The following KLF3 variants were observed in gnomAD, a reference collection of about 807,000 sequenced individuals.
KLF3 encodes Krueppel-like factor 3.
KLF3 carries 6 observed loss-of-function variants against 32.7 expected under a neutral mutation model. The ratio of observed to expected loss-of-function variants is 0.18; its 90% CI spans 0.10 to 0.36. The LOEUF (loss-of-function observed/expected upper bound fraction) is 0.36, where lower values mean the gene tolerates loss of function less well. Among genes scored for constraint, KLF3 ranks in the 10% least tolerant of loss-of-function variants. The pLI is 1.00. For missense variants in KLF3, 338 were observed against 449.7 expected (o/e 0.75, Z 2.25); for synonymous variants, 145 against 172.8 (o/e 0.84, Z 1.26).
chr4:38,676,787 G>T (rs564011266), intron 1 of KLF3, among the ~76,000 whole-genome samples: 4 of 151,964 alleles, frequency 2.6e-5, no homozygotes, highest in African/African-American at 9.7e-5. Flanking sequence ...TCAAAAATAG[G>T]TATTCTAATC....
chr4:38,664,840 A>C (rs1483210368), intron 1 of KLF3: 2 of 152,006 alleles, frequency 1.3e-5, no homozygotes, highest in Non-Finnish European at 2.9e-5. Context: ...TTCCCTCCAA[A>C]GCCCCAGAAA....
rs1301517208 is a variant in KLF3 at position 38,698,891 on chromosome 4, T to C, written c.*1628T>C. The C allele has an allele frequency of 6.6e-6, 1 of 152,212 alleles. No individual in the cohort carries two copies. The highest frequency in any genetic ancestry group is 6.5e-5 in the Admixed American group (1 of 15,274). The allele number at this position is 152,212 out of a possible 1,614,324, so 9.4% of individuals were successfully genotyped here. ...AGGAGAAGAGAGAAGAATGAAATCCTGAAGATTCATCCCAGCCGCAACTCA... is the reference window on the plus strand; with the variant it reads ...AGGAGAAGAGAGAAGAATGAAATCCCGAAGATTCATCCCAGCCGCAACTCA... On this transcript the variant is annotated 3_prime_UTR_variant, in exon 6 of 6. Coordinates refer to ENST00000261438, the MANE Select transcript of KLF3 (RefSeq NM_016531.6).
chr4:38,693,053 C>CAT (rs557763955), intron 4 of KLF3, among the ~76,000 whole-genome samples: 17 of 142,136 alleles, frequency 1.2e-4, no homozygotes, highest in South Asian at 4.4e-4. Context: ...GCTGTTTGCA[C>CAT]ATATATATAT....
chr4:38,682,225 A>C (rs1722549054), intron 2 of KLF3, among the ~76,000 whole-genome samples: 1 of 152,130 alleles, frequency 6.6e-6, no homozygotes, highest in East Asian at 1.9e-4. Context: ...CGCCCGGCTA[A>C]TTTTTGTATT....
intron 4 of KLF3, among the ~76,000 whole-genome samples, chr4:38,693,342 GTT>G: frequency 7.0e-6 from 1 of 143,776 alleles, no homozygotes; most frequent in South Asian, 2.2e-4. Flanking sequence ...AATAAATAAT[GTT>G]TTTTTTAAAA....
intron 2 of KLF3, among the ~76,000 whole-genome samples, chr4:38,687,630 A>G (rs140940412): frequency 6.6e-5 from 10 of 152,338 alleles, no homozygotes; most frequent in African/African-American, 2.2e-4. Flanking sequence ...GTAGCAGGGT[A>G]TAGAGGAGAG....
chr4:38,667,157 CTGT>C lies in KLF3; in HGVS notation c.-40+2703_-40+2705del, dbSNP rs572043454. Among the ~76,000 whole-genome samples the C allele has an allele frequency of 2.4e-4, 37 of 152,332 alleles. No homozygotes were observed. In the South Asian group the frequency reaches 3.3e-3, roughly 14 times the overall value. On this transcript the variant is annotated intron_variant, in intron 1 of 5. Transcript: ENST00000261438. ...CCGTAGAACAAACACCTCCACCCCC[CTGT>C]TGTTGTCTTAAAAAACTCCAGCTGC...
At chr4:38,679,540 A>C (rs553549883) in intron 1 of KLF3, among the ~76,000 whole-genome samples, 1 of 152,240 alleles carries the variant, frequency 6.6e-6, no homozygotes, top group East Asian at 1.9e-4. Flanking sequence ...CAGAAAACTT[A>C]TCCTAAAAAT....
intron 4 of KLF3, among the ~76,000 whole-genome samples, chr4:38,693,094 A>G (rs921624557): frequency 1.8e-5 from 2 of 110,176 alleles, no homozygotes; most frequent in African/African-American, 6.6e-5. Flanking sequence ...ATATACACGT[A>G]TATATATATG....
At position 38,698,253 on chromosome 4, in the gene KLF3, G is replaced by A. The variant is rs1406353918; in HGVS notation, c.*990G>A. 1 of 152,458 alleles carries A rather than the reference G, an allele frequency of 6.6e-6. No individual in the cohort carries two copies. Among genetic ancestry groups the A allele is most frequent in the Non-Finnish European group, 1.5e-5 (1 of 68,032 alleles). The allele number at this position is 152,458 out of a possible 1,614,324, so 9.4% of individuals were successfully genotyped here. On this transcript the variant is annotated 3_prime_UTR_variant, in exon 6 of 6. Transcript: ENST00000261438. ...CCAGTAATGGTAAGAAATCTTTCGG[G>A]TAAGAGTATGGATGGTTCTTCTTTT... is the stretch of plus-strand genomic sequence containing the variant.
Position 38,699,353 on chromosome 4 carries a change from C to T in KLF3, c.*2090C>T, listed in dbSNP as rs1477694899. On this transcript the variant is annotated 3_prime_UTR_variant, in exon 6 of 6. Transcript: ENST00000261438. ...TGGCTCTTTGAAAAGTAGATATTGT[C>T]TGTATTGTAAATGCTTAGTCATATT... 6.6e-6 allele frequency: 1 copy of T among 151,966 alleles called. No individual in the cohort carries two copies. 9.4% of individuals were successfully genotyped at this position (151,966 alleles called of 1,614,324 possible). A position where few individuals can be genotyped will look rare whatever the true frequency, so the allele number is the denominator to read the frequency against.
chr4:38,690,486 A>AATG (rs1275883940), intron 4 of KLF3: 1 of 152,266 alleles, frequency 6.6e-6, no homozygotes, highest in Non-Finnish European at 1.5e-5. Context: ...CTGGGTTTGT[A>AATG]GTTGCTAAGA....
At chr4:38,680,816 C>T (rs538412961) in intron 2 of KLF3, 134 bp downstream of exon 2, 11 of 631,474 alleles carry the variant, frequency 1.7e-5, no homozygotes, top group Middle Eastern at 2.7e-4. Context: ...TTTGGGAGAC[C>T]GAGGCGGGAG....
chr4:38,675,415 G>A (rs1350499785), intron 1 of KLF3, among the ~76,000 whole-genome samples: 1 of 150,960 alleles, frequency 6.6e-6, no homozygotes, highest in African/African-American at 2.4e-5. Flanking sequence ...ATGCAGTTTT[G>A]TTATCCTGGT....
At position 38,688,791 on chromosome 4, in the gene KLF3, C is replaced by G. The variant is rs1311600709; in HGVS notation, c.264C>G (p.His88Gln). The G allele has an allele frequency of 1.2e-6, 2 of 1,614,120 alleles. No individual in the cohort carries two copies. The highest frequency in any genetic ancestry group is 2.7e-5 in the African/African-American group (2 of 74,942). ...CCTCTCTGAAGTTCCCGTCCTCACA[C>G]CGGAGAGCCTCGCCTGGGTTGAGCA... ...SPSSLKFPSS[H>Q]RRASPGLSMP... The change falls in exon 3 of 6, where the codon CAC (histidine) becomes CAG (glutamine). Residue 88 changes from histidine (H) to glutamine (Q), a missense_variant. Physicochemically the swap from His to Gln is conservative, Grantham distance 24 (BLOSUM62 0). This residue lies in a region of KLF3 where 272 missense variants were observed against 313.4 expected (regional missense o/e 0.87). Transcript: ENST00000261438. This position sits in a 1 kb window ranked among gnomAD's most constrained non-coding sequence, Gnocchi z 4.9.
At chr4:38,694,982 A>C (rs1723006737) in intron 5 of KLF3, 76 bp downstream of exon 5, 1 of 1,452,028 alleles carries the variant, frequency 6.9e-7, no homozygotes, top group East Asian at 2.5e-5. Context: ...TGTTACGATC[A>C]AAGTTTTCAG....
chr4:38,685,485 TCTGTCTTAATGG>T (rs1031138853), intron 2 of KLF3, among the ~76,000 whole-genome samples: 4 of 152,220 alleles, frequency 2.6e-5, no homozygotes, highest in African/African-American at 7.2e-5. Flanking sequence ...TGTGGCTTTT[TCTGTCTTAATGG>T]CTTGAGAAAC....
rs1722826549 is a variant in KLF3 at position 38,689,878 on chromosome 4, G to A, written c.694G>A (p.Glu232Lys). 6.2e-7 allele frequency: 1 copy of A among 1,602,316 alleles called. No individual in the cohort carries two copies. The stretch of plus-strand genomic sequence containing the variant: ...GTCCCCCCCGCAAGCATTGTTGCAA[G>A]AGTAAGTATATTTAGGTCTACCCAG... ...SVSPPQALLQENHPSVIVQPG... is the reference protein window; with the variant it reads ...SVSPPQALLQKNHPSVIVQPG... The change falls in exon 4 of 6, where the codon GAG becomes AAG. Residue 232 changes from glutamate (E) to lysine (K), a missense_variant and splice_region_variant. Transcript: ENST00000261438.
At chr4:38,670,023 C>T (rs943900807) in intron 1 of KLF3, among the ~76,000 whole-genome samples, 2 of 149,682 alleles carry the variant, frequency 1.3e-5, no homozygotes, top group Non-Finnish European at 3.0e-5. Context: ...ATTTTGTATC[C>T]GTTGGCCAGA....
Sources: allele counts gnomAD v4.1 joint callset (sites outside exome capture counted in the v4.1 genomes callset), GRCh38; gene constraint gnomAD v4.1.1; regional missense constraint gnomAD v4.1.1; non-coding constraint Gnocchi (gnomAD v3.1); transcripts MANE v1.5; gene names NCBI Gene and HGNC (gene_info 2026-07-23, HGNC 2026-07-21).